Variants in CDH10 observed in about 807,000 individuals in gnomAD.
CDH10 encodes the protein cadherin 10.
In CDH10, 30 loss-of-function variants were observed where a neutral mutation model predicts 73.1. That is an observed-to-expected ratio of 0.41 (90% CI 0.31 to 0.56). The LOEUF is 0.56. CDH10 is among the 20% of genes least tolerant of loss of function. CDH10 has a pLI of 0.27. For synonymous variants in CDH10, 345 were observed against 348.2 expected, an observed-to-expected ratio of 0.99 and a Z score of 0.10; for missense variants, 815 against 973.7, an observed-to-expected ratio of 0.84 and a Z score of 2.17.
At chr5:24,623,567 T>A (rs958685966) in intron 1 of CDH10, among the ~76,000 whole-genome samples, 3 of 152,106 alleles carry the variant, frequency 2.0e-5, no homozygotes, top group Admixed American at 6.6e-5. Context: ...ATATTAGCAA[T>A]AGAGAAATAA....
intron 1 of CDH10, among the ~76,000 whole-genome samples, chr5:24,635,088 A>G (rs1747825452): frequency 6.6e-6 from 1 of 151,804 alleles, no homozygotes; most frequent in South Asian, 2.1e-4. Context: ...GATCTAAATA[A>G]AACCTGTTAA....
rs1325714357 is a variant in CDH10, at chr5:24,563,299, C to G, written c.232-25625G>C. Among the ~76,000 whole-genome samples the G allele has an allele frequency of 2.6e-5, 4 of 152,026 alleles. No homozygotes were observed. The South Asian group carries it at 6.2e-4, about 24-fold the overall frequency. On this transcript the variant is annotated intron_variant, in intron 2 of 11. Coordinates refer to ENST00000264463, the MANE Select transcript of CDH10 (RefSeq NM_006727.5). Reference sequence around the variant, plus strand: ...TTAGGCATTTACAGCAGGATTATCACAGAAACGGTGCTATGTTCTTTCTGT... The same window carrying G: ...TTAGGCATTTACAGCAGGATTATCAGAGAAACGGTGCTATGTTCTTTCTGT...
chr5:24,497,857 T>C (rs1742348549), intron 9 of CDH10, among the ~76,000 whole-genome samples: 1 of 152,176 alleles, frequency 6.6e-6, no homozygotes, highest in Non-Finnish European at 1.5e-5. Flanking sequence ...AAAAATGTTT[T>C]AAAGTACTAA....
At chr5:24,557,425 T>C (rs905498859) in intron 2 of CDH10, among the ~76,000 whole-genome samples, 1 of 151,716 alleles carries the variant, frequency 6.6e-6, no homozygotes, top group African/African-American at 2.4e-5. Context: ...TCATTTTTAG[T>C]AAAACAGAAC....
chr5:24,557,869 T>C (rs1744820938), intron 2 of CDH10, among the ~76,000 whole-genome samples: 1 of 151,906 alleles, frequency 6.6e-6, no homozygotes, highest in South Asian at 2.1e-4. Flanking sequence ...TAATGATGCA[T>C]AGCAGTTTTC....
chr5:24,604,126 A>C (rs796611516), intron 1 of CDH10, among the ~76,000 whole-genome samples: 9 of 152,180 alleles, frequency 5.9e-5, no homozygotes, highest in African/African-American at 1.9e-4. Context: ...AGGCAGGAGG[A>C]CTACTTGAGG....
At chr5:24,503,845 T>C (rs1742587698) in intron 8 of CDH10, among the ~76,000 whole-genome samples, 1 of 152,168 alleles carries the variant, frequency 6.6e-6, no homozygotes, top group African/African-American at 2.4e-5. Context: ...AAATGTGAAC[T>C]CTGATTAACA....
chr5:24,600,038 G>C (rs926447184), intron 1 of CDH10, among the ~76,000 whole-genome samples: 1 of 152,092 alleles, frequency 6.6e-6, no homozygotes, highest in African/African-American at 2.4e-5. Context: ...AAAGGGGCCA[G>C]ATTGTAATTA....
intron 1 of CDH10, among the ~76,000 whole-genome samples, chr5:24,617,254 C>T (rs898250630): frequency 2.6e-5 from 4 of 152,048 alleles, no homozygotes; most frequent in East Asian, 1.9e-4. Flanking sequence ...GCCCCGATCA[C>T]GGCAGACAAA....
chr5:24,502,875 A>G (rs528360198), intron 8 of CDH10, among the ~76,000 whole-genome samples: 1 of 152,316 alleles, frequency 6.6e-6, no homozygotes, highest in South Asian at 2.1e-4. Context: ...AGCTTTCCTT[A>G]GAAGAAAAAC....
At chr5:24,635,430 T>C (rs1299326652) in intron 1 of CDH10, among the ~76,000 whole-genome samples, 3 of 151,998 alleles carry the variant, frequency 2.0e-5, no homozygotes, top group Admixed American at 2.0e-4. Flanking sequence ...CTCTTTCTTA[T>C]GCTTTTTTCC....
intron 9 of CDH10, among the ~76,000 whole-genome samples, chr5:24,497,021 T>C (rs1356960787): frequency 6.6e-6 from 1 of 152,146 alleles, no homozygotes; most frequent in African/African-American, 2.4e-5. Flanking sequence ...GATAGGCTAA[T>C]TCCCTTTTTA....
chr5:24,587,272 T>C (rs936638136), intron 2 of CDH10, among the ~76,000 whole-genome samples: 1 of 152,196 alleles, frequency 6.6e-6, no homozygotes, highest in Non-Finnish European at 1.5e-5. Context: ...AGTGAGAATA[T>C]GAATATATGA....
intron 5 of CDH10, among the ~76,000 whole-genome samples, chr5:24,532,805 T>C (rs1017279857): frequency 6.6e-6 from 1 of 152,200 alleles, no homozygotes; most frequent in South Asian, 2.1e-4. Context: ...CCTCCTTTTC[T>C]TCTACACTTT....
At chr5:24,609,274 C>T (rs1202509110) in intron 1 of CDH10, among the ~76,000 whole-genome samples, 2 of 152,150 alleles carry the variant, frequency 1.3e-5, no homozygotes, top group East Asian at 3.9e-4. Context: ...ATTTTTTCCC[C>T]TTCCATGCCT....
rs1011869540 is a variant in CDH10 at position 24,487,352 on chromosome 5, C to T, written c.*311G>A. On this transcript the variant is annotated 3_prime_UTR_variant, in exon 12 of 12. Transcript: ENST00000264463. ...CAGGACATGTACCTAACAGAAGCGG[C>T]TTGTTTGTGAGGTTGCTTAAGGGAG... 4.0e-6 allele frequency: 1 copy of T among 247,974 alleles called. No individual in the cohort carries two copies. The highest frequency in any genetic ancestry group is 5.0e-5 in the Admixed American group (1 of 20,184). 15.4% of individuals were successfully genotyped at this position (247,974 alleles called of 1,614,324 possible). A position where few individuals can be genotyped will look rare whatever the true frequency, so the allele number is the denominator to read the frequency against.
chr5:24,581,618 C>T (rs1288406886), intron 2 of CDH10, among the ~76,000 whole-genome samples: 4 of 152,190 alleles, frequency 2.6e-5, no homozygotes, highest in Admixed American at 2.6e-4. Flanking sequence ...CTTGGTGTTC[C>T]ACGCCTGTTA....
At chr5:24,605,872 T>C (rs1480895995) in intron 1 of CDH10, among the ~76,000 whole-genome samples, 1 of 152,206 alleles carries the variant, frequency 6.6e-6, no homozygotes, top group Admixed American at 6.5e-5. Context: ...GACATACTAC[T>C]TATTAATGTA....
At chr5:24,551,255 A>T (rs1744531834) in intron 2 of CDH10, among the ~76,000 whole-genome samples, 2 of 152,134 alleles carry the variant, frequency 1.3e-5, no homozygotes, top group Non-Finnish European at 2.9e-5. Flanking sequence ...AATTTTATAG[A>T]CTATTCAGCA....
Sources: gnomAD v4.1 joint callset for allele counts (sites outside exome capture counted in the v4.1 genomes callset) on GRCh38, gnomAD v4.1.1 for gene constraint, MANE v1.5 for transcripts, NCBI Gene and HGNC (gene_info 2026-07-23, HGNC 2026-07-21) for gene names.